Variants in IGDCC3 observed in about 807,000 individuals in gnomAD.
The protein encoded by IGDCC3 is putative neuronal cell adhesion molecule.
A neutral mutation model predicts 72.0 loss-of-function variants in IGDCC3; 47 were observed. That is an observed-to-expected ratio of 0.65 (90% confidence interval 0.52 to 0.83). IGDCC3 has a LOEUF of 0.83. Among genes scored for constraint, IGDCC3 ranks in the 40% least tolerant of loss-of-function variants. The pLI, the probability that IGDCC3 is intolerant of heterozygous loss-of-function variation, is 0.00. For synonymous variants in IGDCC3, 477 were observed against 472.8 expected (o/e 1.01, Z -0.11); for missense variants, 1,038 against 1,091.3 (o/e 0.95, Z 0.69).
At position 65,330,403 on chromosome 15, in the gene IGDCC3, G is replaced by C. The variant is rs551236424; in HGVS notation, c.1754-6C>G. Reference sequence around the variant, plus strand: ...CTCATACACTGCAGTGGGGTCTGGAGGAAGGCAGGGCGGATGAGCAACTGC... The same window carrying C: ...CTCATACACTGCAGTGGGGTCTGGACGAAGGCAGGGCGGATGAGCAACTGC... On this transcript the variant is annotated splice_polypyrimidine_tract_variant and splice_region_variant and intron_variant, in intron 10 of 13. Transcript: ENST00000327987. The C allele has an allele frequency of 1.9e-6, 3 of 1,609,876 alleles. No individual in the cohort carries two copies. The East Asian group carries it at 6.7e-5, about 36-fold the overall frequency.
In IGDCC3 at chr15:65,377,565, C is replaced by A; in HGVS notation, c.103+121G>T. 1 of 1,019,052 alleles carries A rather than the reference C, an allele frequency of 9.8e-7. No individual in the cohort carries two copies. Among genetic ancestry groups the A allele is most frequent in the Non-Finnish European group, 1.3e-6 (1 of 791,446 alleles). The allele number at this position is 1,019,052 out of a possible 1,614,324, so 63.1% of individuals were successfully genotyped here. A position where few individuals can be genotyped will look rare whatever the true frequency, so the allele number is the denominator to read the frequency against. ...CCGGATCCGCAGGGTCCCCCCCGCGCGGGGTCCGCCCTCAGGTCCGCGCCG... is the reference window on the plus strand; with the variant it reads ...CCGGATCCGCAGGGTCCCCCCCGCGAGGGGTCCGCCCTCAGGTCCGCGCCG... On this transcript the variant is annotated intron_variant, in intron 1 of 13. Coordinates refer to ENST00000327987, the MANE Select transcript of IGDCC3 (RefSeq NM_004884.4). The surrounding 1 kb of genome is among the most constrained non-coding windows in gnomAD (Gnocchi z 4.9).
intron 2 of IGDCC3, among the ~76,000 whole-genome samples, chr15:65,346,510 G>A (rs948564441): frequency 2.0e-5 from 3 of 151,556 alleles, no homozygotes; most frequent in Admixed American, 6.6e-5. Flanking sequence ...AGGCTGGAGT[G>A]CAATGGCGCG....
At chr15:65,335,239 G>A (rs1177075155) in intron 4 of IGDCC3, 52 bp downstream of exon 4, 1 of 1,564,450 alleles carries the variant, frequency 6.4e-7, no homozygotes. Context: ...AGGGTAGGGA[G>A]GAGGAGGAGG....
chr15:65,334,978 G>C (rs2091014249), intron 4 of IGDCC3, 113 bp from the exon 5 acceptor site: 3 of 1,254,358 alleles, frequency 2.4e-6, no homozygotes, highest in Middle Eastern at 2.3e-4. Flanking sequence ...CCAGAAACCA[G>C]GTCCTGTGGG....
chr15:65,357,079 T>C (rs1253452737), intron 2 of IGDCC3, among the ~76,000 whole-genome samples: 2 of 151,940 alleles, frequency 1.3e-5, no homozygotes, highest in Admixed American at 6.6e-5. Flanking sequence ...CTCGAACTCC[T>C]GACCTTAGGC....
In IGDCC3 at chr15:65,377,922, G is replaced by T; in HGVS notation, c.-134C>A. ...CCGAGCCCAGGCGGTGGGGGACTGG[G>T]GCCGCATGCCTGCTCAGCAGCGCGG... is the stretch of plus-strand genomic sequence containing the variant. On this transcript the variant is annotated 5_prime_UTR_variant, in exon 1 of 14. Transcript: ENST00000327987. The surrounding 1 kb of genome is among the most constrained non-coding windows in gnomAD (Gnocchi z 4.9). The T allele has an allele frequency of 1.2e-6, 1 of 845,040 alleles. No homozygotes were observed. The highest frequency in any genetic ancestry group is 1.4e-6 in the Non-Finnish European group (1 of 695,560). 52.3% of individuals were successfully genotyped at this position (845,040 alleles called of 1,614,324 possible).
chr15:65,364,155 T>C (rs2091276373), intron 2 of IGDCC3, among the ~76,000 whole-genome samples: 1 of 152,230 alleles, frequency 6.6e-6, no homozygotes, highest in Non-Finnish European at 1.5e-5. Context: ...GCATAAATAC[T>C]GATAGGTTCT....
intron 2 of IGDCC3, among the ~76,000 whole-genome samples, chr15:65,370,612 ATGTATG>A (rs1490621778): frequency 1.6e-4 from 13 of 81,338 alleles, no homozygotes; most frequent in African/African-American, 9.8e-5. Context: ...GTGTATATAT[ATGTATG>A]TGTATATATA....
Position 65,333,348 on chromosome 15 carries a change from C to T in IGDCC3, c.891G>A (p.Val297=). The T allele has an allele frequency of 1.2e-6, 2 of 1,613,054 alleles. No homozygotes were observed. The highest frequency in any genetic ancestry group is 3.3e-5 in the Admixed American group (2 of 59,892). ...CGTAGACGCCAGAGTGCTGGACCGT[C>T]ACGTCTGAGATGATGAGGTTTCCTG... ...LGTGNLIISD[V]TVQHSGVYVC... Residue 297 remains valine, a synonymous_variant, in exon 6 of 14, where the codon GTG becomes GTA. Coordinates refer to ENST00000327987, the MANE Select transcript of IGDCC3 (RefSeq NM_004884.4).
intron 2 of IGDCC3, among the ~76,000 whole-genome samples, 185 bp downstream of exon 2, chr15:65,374,912 C>G (rs2091348812): frequency 6.6e-6 from 1 of 152,140 alleles, no homozygotes; most frequent in African/African-American, 2.4e-5. Context: ...GTCAGTTAAA[C>G]AAGCATCTGA....
chr15:65,346,994 C>T (rs2091129934), intron 2 of IGDCC3, among the ~76,000 whole-genome samples: 1 of 152,124 alleles, frequency 6.6e-6, no homozygotes, highest in South Asian at 2.1e-4. Flanking sequence ...TGAAAATGTC[C>T]AGACCCAGCA....
intron 2 of IGDCC3, among the ~76,000 whole-genome samples, chr15:65,366,688 C>G (rs1182996505): frequency 2.0e-5 from 3 of 152,214 alleles, no homozygotes; most frequent in African/African-American, 4.8e-5. Context: ...CCTGGCCCCC[C>G]ACCGGCTTGC....
chr15:65,374,846 T>C (rs1459708509), intron 2 of IGDCC3, among the ~76,000 whole-genome samples: 1 of 152,162 alleles, frequency 6.6e-6, no homozygotes, highest in Non-Finnish European at 1.5e-5. Context: ...TGGGTAAAGC[T>C]TTCTCCCCGA....
chr15:65,356,746 T>G (rs1206425654), intron 2 of IGDCC3, among the ~76,000 whole-genome samples: 1 of 151,876 alleles, frequency 6.6e-6, no homozygotes, highest in Non-Finnish European at 1.5e-5. Context: ...AAGTGTCTTA[T>G]CTTTCTGTGC....
At chr15:65,372,918 A>G (rs1465685621) in intron 2 of IGDCC3, among the ~76,000 whole-genome samples, 3 of 152,144 alleles carry the variant, frequency 2.0e-5, no homozygotes, top group African/African-American at 7.2e-5. Context: ...ATGGGACCAC[A>G]GCCTTGCAGG....
At chr15:65,350,371 G>A (rs909347795) in intron 2 of IGDCC3, among the ~76,000 whole-genome samples, 3 of 151,230 alleles carry the variant, frequency 2.0e-5, no homozygotes, top group South Asian at 4.2e-4. Context: ...ACCTCAGCCC[G>A]CCTCAGCCTC....
chr15:65,336,488 C>G (rs1254303790), intron 2 of IGDCC3, among the ~76,000 whole-genome samples: 1 of 151,996 alleles, frequency 6.6e-6, no homozygotes, highest in African/African-American at 2.4e-5. Context: ...GGTCATCAGG[C>G]CCTGGTTACC....
chr15:65,362,538 G>T (rs1233790583), intron 2 of IGDCC3, among the ~76,000 whole-genome samples: 10 of 136,686 alleles, frequency 7.3e-5, no homozygotes, highest in Non-Finnish European at 1.6e-4. Context: ...TGAACAAAAG[G>T]TGCCCCCACT....
At chr15:65,330,230 C>T in intron 11 of IGDCC3, 63 bp downstream of exon 11, 1 of 1,201,106 alleles carries the variant, frequency 8.3e-7, no homozygotes, top group East Asian at 2.3e-5. Context: ...CACATGCTAT[C>T]TCACCCCATT....
Sources: allele counts gnomAD v4.1 joint callset (sites outside exome capture counted in the v4.1 genomes callset), GRCh38; gene constraint gnomAD v4.1.1; non-coding constraint Gnocchi (gnomAD v3.1); transcripts MANE v1.5; gene names NCBI Gene and HGNC (gene_info 2026-07-23, HGNC 2026-07-21).